CLCC1: variants seen among roughly 807,000 people sequenced by gnomAD.
CLCC1 encodes the protein chloride channel CLIC-like protein 1.
In CLCC1, 39 loss-of-function variants were observed where a neutral mutation model predicts 63.3. That is an observed-to-expected ratio of 0.62 (90% CI 0.48 to 0.81). The LOEUF is 0.81. CLCC1 is among the 30% of genes least tolerant of loss of function. The pLI is 0.00. For synonymous variants in CLCC1, 217 were observed against 239.8 expected (o/e 0.90, Z 0.88); for missense variants, 549 against 669.4 (o/e 0.82, Z 1.98).
intron 7 of CLCC1, among the ~76,000 whole-genome samples, 153 bp from the exon 8 acceptor site, chr1:108,941,651 T>C (rs1394506571): frequency 1.3e-5 from 2 of 152,158 alleles, no homozygotes; most frequent in Non-Finnish European, 2.9e-5. Flanking sequence ...TTATTATTAC[T>C]ATTTTTTCTC....
intron 12 of CLCC1, chr1:108,934,308 T>G: frequency 4.9e-6 from 1 of 204,850 alleles, no homozygotes; most frequent in Non-Finnish European, 1.0e-5. Flanking sequence ...TGTAAATTGG[T>G]TAGTGGGTTC....
At chr1:108,954,645 A>C (rs1335978804) in intron 2 of CLCC1, among the ~76,000 whole-genome samples, 1 of 151,210 alleles carries the variant, frequency 6.6e-6, no homozygotes, top group Non-Finnish European at 1.5e-5. Flanking sequence ...CAGAAAGAAC[A>C]CATGTGGCAC....
At chr1:108,954,006 G>A (rs1380544347) in intron 2 of CLCC1, among the ~76,000 whole-genome samples, 3 of 92,080 alleles carry the variant, frequency 3.3e-5, no homozygotes, top group East Asian at 2.8e-4. Context: ...GTGAAACTCC[G>A]TCTCAAAAAA....
At chr1:108,935,618 T>C (rs1015890627) in intron 11 of CLCC1, among the ~76,000 whole-genome samples, 24 of 151,988 alleles carry the variant, frequency 1.6e-4, no homozygotes, top group Non-Finnish European at 3.2e-4. Flanking sequence ...TAAAAAATAT[T>C]AGCCAGGCAT....
intron 2 of CLCC1, among the ~76,000 whole-genome samples, chr1:108,951,439 G>A (rs1189526167): frequency 6.6e-6 from 1 of 152,172 alleles, no homozygotes; most frequent in Non-Finnish European, 1.5e-5. Context: ...AACTGGTATA[G>A]CCATGCAATG....
chr1:108,944,427 C>T (rs540309319), intron 5 of CLCC1, among the ~76,000 whole-genome samples: 1 of 151,958 alleles, frequency 6.6e-6, no homozygotes, highest in East Asian at 1.9e-4. Context: ...TATGAGCATA[C>T]CACTGCACTC....
At chr1:108,933,167 C>G (rs1298462586) in intron 12 of CLCC1, 2 of 138,330 alleles carry the variant, frequency 1.4e-5, no homozygotes, top group African/African-American at 5.4e-5. Flanking sequence ...TACATTGTTA[C>G]AGGCACGTAA....
At chr1:108,954,533 T>C (rs1655617370) in intron 2 of CLCC1, among the ~76,000 whole-genome samples, 1 of 150,678 alleles carries the variant, frequency 6.6e-6, no homozygotes, top group South Asian at 2.1e-4. Context: ...CCACCAGCAC[T>C]AAGCGCACAG....
intron 2 of CLCC1, among the ~76,000 whole-genome samples, chr1:108,955,912 C>T (rs1655824112): frequency 6.6e-6 from 1 of 151,496 alleles, no homozygotes; most frequent in Non-Finnish European, 1.5e-5. Flanking sequence ...TTAAGGCTTT[C>T]ACACCTGGAC....
intron 2 of CLCC1, among the ~76,000 whole-genome samples, chr1:108,951,081 C>T (rs1189634686): frequency 6.6e-6 from 1 of 152,120 alleles, no homozygotes; most frequent in Admixed American, 6.5e-5. Context: ...CCACATTTTT[C>T]GTAATAGCCA....
At chr1:108,951,602 T>A (rs1489764663) in intron 2 of CLCC1, among the ~76,000 whole-genome samples, 1 of 152,026 alleles carries the variant, frequency 6.6e-6, no homozygotes, top group African/African-American at 2.4e-5. Flanking sequence ...AATAGGCAAA[T>A]CTATTAAGAC....
rs996076097 is a variant in CLCC1 at position 108,963,408 on chromosome 1, G to A, written c.-220C>T. 1 of 702,426 alleles carries A rather than the reference G, an allele frequency of 1.4e-6. No individual in the cohort carries two copies. The highest frequency in any genetic ancestry group is 2.6e-6 in the Non-Finnish European group (1 of 384,872). 43.5% of individuals were successfully genotyped at this position (702,426 alleles called of 1,614,324 possible). A position where few individuals can be genotyped will look rare whatever the true frequency, so the allele number is the denominator to read the frequency against. ...CTCGAGGAAGACACCTGCCCAGGCC[G>A]GCCGCAGAAGAGGTCGCACAGCTTG... is the stretch of plus-strand genomic sequence containing the variant. On this transcript the variant is annotated 5_prime_UTR_variant, in exon 1 of 13. Transcript: ENST00000369969.
rs958523401 is a variant in CLCC1, at chr1:108,963,450, C to T, written c.-262G>A. 1.6e-5 allele frequency: 11 copies of T among 702,232 alleles called. No homozygotes were observed. The highest frequency in any genetic ancestry group is 2.9e-5 in the Non-Finnish European group (11 of 384,810). 43.5% of individuals were successfully genotyped at this position (702,232 alleles called of 1,614,324 possible). ...CACAGCTTGCCGCCGCCCAGGGTTT[C>T]AGCGTGCTTCCTGGGCCTCGTCATC... is the stretch of plus-strand genomic sequence containing the variant. On this transcript the variant is annotated 5_prime_UTR_variant, in exon 1 of 13. Transcript: ENST00000369969.
At chr1:108,955,790 C>T (rs1206567371) in intron 2 of CLCC1, among the ~76,000 whole-genome samples, 1 of 151,516 alleles carries the variant, frequency 6.6e-6, no homozygotes, top group Non-Finnish European at 1.5e-5. Context: ...TGTCACTGGA[C>T]ATCAGAACTC....
chr1:108,944,448 G>A (rs1223159423), intron 5 of CLCC1, among the ~76,000 whole-genome samples: 1 of 151,370 alleles, frequency 6.6e-6, no homozygotes, highest in Non-Finnish European at 1.5e-5. Flanking sequence ...CAGCATGGGA[G>A]ACAGAGTAAG....
intron 2 of CLCC1, among the ~76,000 whole-genome samples, chr1:108,958,440 G>A (rs952539937): frequency 6.6e-6 from 1 of 151,540 alleles, no homozygotes; most frequent in Non-Finnish European, 1.5e-5. Flanking sequence ...GGTTACGACT[G>A]CTGTGGTATC....
rs757866175 is a variant in CLCC1 at position 108,929,817 on chromosome 1, T to C, written c.*2730A>G. 1 of 1,614,148 alleles carries C rather than the reference T, an allele frequency of 6.2e-7. No homozygotes were observed. Among genetic ancestry groups the C allele is most frequent in the Non-Finnish European group, 8.5e-7 (1 of 1,179,998 alleles). Reference sequence around the variant, plus strand: ...TACGGTCCCAGGGAAAGAGAATGGATGAACAGAGAGTTCTTTTACAAAGAG... The same window carrying C: ...TACGGTCCCAGGGAAAGAGAATGGACGAACAGAGAGTTCTTTTACAAAGAG... On this transcript the variant is annotated 3_prime_UTR_variant, in exon 13 of 13. Transcript: ENST00000369969.
chr1:108,942,206 C>G (rs1449004290), intron 7 of CLCC1, among the ~76,000 whole-genome samples: 1 of 152,154 alleles, frequency 6.6e-6, no homozygotes, highest in African/African-American at 2.4e-5. Context: ...CTACTGCACT[C>G]CAGCCTGGGG....
intron 10 of CLCC1, among the ~76,000 whole-genome samples, chr1:108,938,135 C>T (rs1197260242): frequency 6.6e-6 from 1 of 152,144 alleles, no homozygotes; most frequent in African/African-American, 2.4e-5. Flanking sequence ...GTTTTAACTC[C>T]TAATATGTAA....
Sources: allele counts gnomAD v4.1 joint callset (sites outside exome capture counted in the v4.1 genomes callset), GRCh38; gene constraint gnomAD v4.1.1; transcripts MANE v1.5; gene names NCBI Gene and HGNC (gene_info 2026-07-23, HGNC 2026-07-21).